The following PLXNC1 variants were observed in gnomAD, a reference collection of about 807,000 sequenced individuals.
PLXNC1 encodes plexin C1, also known as plexin-C1.
In PLXNC1, 75 loss-of-function variants were observed where a neutral mutation model predicts 178.2. That is an observed-to-expected ratio of 0.42 (90% CI 0.35 to 0.51). PLXNC1 has a LOEUF of 0.51. PLXNC1 is among the 20% of genes least tolerant of loss of function. PLXNC1 has a pLI of 0.02. For missense variants in PLXNC1, 1,503 were observed against 1,984.4 expected (o/e 0.76, Z 4.61); for synonymous variants, 790 against 779.9 (o/e 1.01, Z -0.22).
At chr12:94,273,167 G>A (rs976800590) in intron 21 of PLXNC1, among the ~76,000 whole-genome samples, 5 of 152,204 alleles carry the variant, frequency 3.3e-5, no homozygotes, top group African/African-American at 7.2e-5. Context: ...TTCCCAGTAC[G>A]TGATAAGCAC....
At chr12:94,182,264 T>C (rs1432019257) in intron 3 of PLXNC1, among the ~76,000 whole-genome samples, 1 of 151,516 alleles carries the variant, frequency 6.6e-6, no homozygotes, top group Non-Finnish European at 1.5e-5. Flanking sequence ...TAATGAAATG[T>C]GTTACTGACC....
chr12:94,224,953 G>A (rs767746646), intron 7 of PLXNC1, among the ~76,000 whole-genome samples: 9 of 152,102 alleles, frequency 5.9e-5, no homozygotes. Flanking sequence ...GAATGGCTTC[G>A]GGAATTTGGG....
chr12:94,189,448 G>C (rs754011114), intron 4 of PLXNC1, among the ~76,000 whole-genome samples: 2 of 152,188 alleles, frequency 1.3e-5, no homozygotes, highest in Non-Finnish European at 2.9e-5. Flanking sequence ...GGAGGCCAAA[G>C]TGGGTGGATC....
At chr12:94,221,199 A>C (rs1963786433) in intron 6 of PLXNC1, among the ~76,000 whole-genome samples, 1 of 152,240 alleles carries the variant, frequency 6.6e-6, no homozygotes, top group Admixed American at 6.5e-5. Context: ...CTGTGCTTAG[A>C]ACAGTATCTG....
At chr12:94,249,797 G>C (rs981188117) in intron 14 of PLXNC1, among the ~76,000 whole-genome samples, 1 of 152,010 alleles carries the variant, frequency 6.6e-6, no homozygotes, top group South Asian at 2.1e-4. Context: ...CGCTGTGATG[G>C]GGACAGACAG....
At chr12:94,285,820 A>G (rs1175171769) in intron 23 of PLXNC1, among the ~76,000 whole-genome samples, 3 of 152,146 alleles carry the variant, frequency 2.0e-5, no homozygotes, top group Non-Finnish European at 2.9e-5. Flanking sequence ...AGGAGGGGAC[A>G]CAGACTCCAA....
intron 4 of PLXNC1, 53 bp downstream of exon 4, chr12:94,186,526 G>C: frequency 8.9e-7 from 1 of 1,126,394 alleles, no homozygotes; most frequent in Non-Finnish European, 1.3e-6. Context: ...AGTGTCATGC[G>C]GCAGAACACT....
intron 21 of PLXNC1, among the ~76,000 whole-genome samples, chr12:94,265,504 G>A (rs551445939): frequency 2.6e-5 from 4 of 152,214 alleles, no homozygotes; most frequent in African/African-American, 9.6e-5. Context: ...TTTCAGTGTC[G>A]TCAAAGGAAA....
chr12:94,264,594 C>CA (rs1418545929), intron 20 of PLXNC1, among the ~76,000 whole-genome samples: 1 of 152,118 alleles, frequency 6.6e-6, no homozygotes, highest in Non-Finnish European at 1.5e-5. Flanking sequence ...CTGTTAACAC[C>CA]AAAAAACATT....
chr12:94,287,265 G>T (rs961376534), intron 23 of PLXNC1, among the ~76,000 whole-genome samples: 1 of 152,120 alleles, frequency 6.6e-6, no homozygotes, highest in East Asian at 1.9e-4. Context: ...AAACCCTCCC[G>T]GTGCGCTTCC....
At chr12:94,268,487 T>C (rs1413372165) in intron 21 of PLXNC1, among the ~76,000 whole-genome samples, 1 of 149,768 alleles carries the variant, frequency 6.7e-6, no homozygotes, top group African/African-American at 2.5e-5. Context: ...ATCTGCATCC[T>C]CCCTAATGTC....
chr12:94,289,458 A>G lies in PLXNC1; in HGVS notation c.3880-5028A>G, dbSNP rs998608043. Among the ~76,000 whole-genome samples the G allele has an allele frequency of 3.9e-5, 6 of 152,292 alleles. No individual in the cohort carries two copies. In the East Asian group the frequency reaches 1.2e-3, roughly 29 times the overall value. ...AGTTCTGCTCTGGGCTGGAGAAACA[A>G]TCCTGCTGCAGATCCATCTAGTGAC... On this transcript the variant is annotated intron_variant, in intron 23 of 30. Coordinates refer to ENST00000258526, the MANE Select transcript of PLXNC1 (RefSeq NM_005761.3).
rs550178698 is a variant in PLXNC1, at chr12:94,164,364, G to T, written c.1063-4789G>T. Among the ~76,000 whole-genome samples, 27 of 152,148 alleles carry T rather than the reference G, an allele frequency of 1.8e-4. No individual in the cohort carries two copies. The South Asian group carries it at 3.1e-3, about 18-fold the overall frequency. On this transcript the variant is annotated intron_variant, in intron 1 of 30. Transcript: ENST00000258526. ...GGGTAAAACACTTGACTCTTGCTTG[G>T]TGCTCAACATTGGAGGCCCCAGTTT... is the stretch of plus-strand genomic sequence containing the variant.
Position 94,260,163 on chromosome 12 carries a change from C to G in PLXNC1, c.3251+429C>G, listed in dbSNP as rs1203354268. Reference sequence around the variant, plus strand: ...ATCCTCCTGGGCTCAAGCTACCCTCCTGCCTCAGCCTCCCCAAGTAGCTGG... The same window carrying G: ...ATCCTCCTGGGCTCAAGCTACCCTCGTGCCTCAGCCTCCCCAAGTAGCTGG... On this transcript the variant is annotated intron_variant, in intron 19 of 30. Transcript: ENST00000258526. This position sits in a 1 kb window ranked among gnomAD's most constrained non-coding sequence, Gnocchi z 4.4. Among the ~76,000 whole-genome samples, 1 of 152,106 alleles carries G rather than the reference C, an allele frequency of 6.6e-6. No individual in the cohort carries two copies. Among genetic ancestry groups the G allele is most frequent in the Non-Finnish European group, 1.5e-5 (1 of 68,012 alleles).
At chr12:94,169,021 TA>T in intron 1 of PLXNC1, 131 bp from the exon 2 acceptor site, 1 of 811,662 alleles carries the variant, frequency 1.2e-6, no homozygotes, top group Non-Finnish European at 1.9e-6. Context: ...GAATCTAGTC[TA>T]AGAGAATATA....
intron 17 of PLXNC1, among the ~76,000 whole-genome samples, chr12:94,257,863 C>T (rs139242902): frequency 0.049 from 7,511 of 151,744 alleles, 219 homozygotes; most frequent in East Asian, 0.068. Flanking sequence ...GCCGAGATAG[C>T]GCCACACTGC....
Position 94,220,069 on chromosome 12 carries a change from G to A in PLXNC1, c.1608G>A (p.Val536=). 1.2e-6 allele frequency: 2 copies of A among 1,613,996 alleles called. No individual in the cohort carries two copies. The change falls in exon 6 of 31, where the codon GTG becomes GTA. Residue 536 remains valine, a synonymous_variant. Coordinates refer to ENST00000258526, the MANE Select transcript of PLXNC1 (RefSeq NM_005761.3). ...CTCCAAGACACTCAAAGTGCATGGT[G>A]AAGAATGTGGACTCTAGCAGGGAGC... ...SFSPRHSKCM[V]KNVDSSRELC... is the part of the protein sequence containing the mutation.
chr12:94,301,248 AAAAC>A (rs1036499877), intron 28 of PLXNC1, among the ~76,000 whole-genome samples, 191 bp downstream of exon 28: 4 of 152,348 alleles, frequency 2.6e-5, no homozygotes, highest in African/African-American at 9.6e-5. Context: ...TTTAAAGTGA[AAAAC>A]AAAATAATTA....
At chr12:94,261,570 A>G (rs567561056) in intron 20 of PLXNC1, among the ~76,000 whole-genome samples, 3 of 152,198 alleles carry the variant, frequency 2.0e-5, no homozygotes, top group Non-Finnish European at 4.4e-5. Flanking sequence ...GGCCGTTACG[A>G]TTATAAAATA....
Sources: allele counts gnomAD v4.1 joint callset (sites outside exome capture counted in the v4.1 genomes callset), GRCh38; gene constraint gnomAD v4.1.1; non-coding constraint Gnocchi (gnomAD v3.1); transcripts MANE v1.5; gene names NCBI Gene and HGNC (gene_info 2026-07-23, HGNC 2026-07-21).